Variants in BOP1 observed in about 807,000 individuals in gnomAD.
BOP1 encodes ribosome biogenesis protein BOP1.
In BOP1, 54 loss-of-function variants were observed where a neutral mutation model predicts 82.9. That is an observed-to-expected ratio of 0.65 (90% CI 0.52 to 0.82). The LOEUF (loss-of-function observed/expected upper bound fraction) is 0.82. Ranked by LOEUF, BOP1 falls within the 40% of genes least tolerant of loss-of-function variation. BOP1 has a pLI of 0.00. For synonymous variants in BOP1, 566 were observed against 451.1 expected (o/e 1.25, Z -3.23); for missense variants, 1,170 against 1,072.0 (o/e 1.09, Z -1.28).
At chr8:144,289,925 C>T (rs1814988851) in intron 1 of BOP1, among the ~76,000 whole-genome samples, 2 of 152,246 alleles carry the variant, frequency 1.3e-5, no homozygotes, top group African/African-American at 4.8e-5. Flanking sequence ...CGCAACCACG[C>T]ACCAACCCAC....
rs148287422 is a variant in BOP1, at chr8:144,289,251, G to T, written c.153C>A (p.Gly51=). Residue 51 remains glycine, a synonymous_variant, in exon 2 of 16, where the codon GGC becomes GGA. Transcript: ENST00000569669. ...PLSHSTGSDS[G]VSDSEESVFS... The stretch of plus-strand genomic sequence containing the variant: ...ACACACTTTCCTCGCTGTCGGAGAC[G>T]CCAGAATCGCTGCCGGTGCTGTGGC... 4.3e-6 allele frequency: 7 copies of T among 1,613,890 alleles called. No individual in the cohort carries two copies. Among genetic ancestry groups the T allele is most frequent in the Non-Finnish European group, 5.1e-6 (6 of 1,179,952 alleles).
chr8:144,265,148 T>C (rs1468088639), intron 3 of BOP1, 77 bp from the exon 4 acceptor site: 7 of 1,540,188 alleles, frequency 4.5e-6, no homozygotes, highest in Non-Finnish European at 5.3e-6. Flanking sequence ...GGGGAGCAGG[T>C]GAGGGGGTTG....
At chr8:144,267,089 C>T (rs1845389462) in intron 3 of BOP1, 19 of 1,373,430 alleles carry the variant, frequency 1.4e-5, no homozygotes, top group African/African-American at 3.1e-5. Flanking sequence ...GGCAGCCCCC[C>T]GCCGCCGCCC....
At chr8:144,266,376 C>T (rs1845363579) in intron 3 of BOP1, among the ~76,000 whole-genome samples, 1 of 151,868 alleles carries the variant, frequency 6.6e-6, no homozygotes, top group Non-Finnish European at 1.5e-5. Flanking sequence ...GAGGAGCCTC[C>T]GGGCTGAGAG....
At position 144,273,009 on chromosome 8, in the gene BOP1, G is replaced by A. The variant is rs1384519181; in HGVS notation, c.390+3215C>T. 4.6e-5 allele frequency among the ~76,000 whole-genome samples: 7 copies of A among 152,340 alleles called. 1 individual carries two copies. The East Asian group carries it at 5.8e-4, about 13-fold the overall frequency. ...CTCGGAGGCAGGCATGCAGGCGGCC[G>A]CGGGGGTGGATGGCCGCCAGGGAGA... On this transcript the variant is annotated intron_variant, in intron 3 of 15. Transcript: ENST00000569669.
At position 144,264,987 on chromosome 8, in the gene BOP1, T is replaced by C; in HGVS notation, c.475A>G (p.Ile159Val). 1.2e-6 allele frequency: 2 copies of C among 1,612,326 alleles called. No individual in the cohort carries two copies. Among genetic ancestry groups the C allele is most frequent in the Non-Finnish European group, 1.7e-6 (2 of 1,179,748 alleles). The change falls in exon 4 of 16, where the codon ATC (isoleucine) becomes GTC (valine). Residue 159 changes from isoleucine to valine, a missense_variant. Coordinates refer to ENST00000569669, the MANE Select transcript of BOP1 (RefSeq NM_015201.5). Reference protein sequence around the residue: ...HVGYDLDGRRIYKPLRTRDEL... With the variant: ...HVGYDLDGRRVYKPLRTRDEL... ...TCCCGGGTCCGCAGGGGCTTGTAGA[T>C]GCGCCTGCCATCCAGGTCGTAGCCC...
rs1845566474 is a variant in BOP1, at chr8:144,276,250, A to T, written c.364T>A (p.Tyr122Asn). The change falls in exon 3 of 16, where the codon TAT (tyrosine) becomes AAT (asparagine). Residue 122 changes from tyrosine to asparagine, a missense_variant. Coordinates refer to ENST00000569669, the MANE Select transcript of BOP1 (RefSeq NM_015201.5). ...TCCTCATCAGAGCTGTCCTCCGCAT[A>T]CTCATCCCCAATCCGGGCGCTCGCC... ...EMASARIGDE[Y>N]AEDSSDEEDI... 6.2e-7 allele frequency: 1 copy of T among 1,613,454 alleles called. No homozygotes were observed. Among genetic ancestry groups the T allele is most frequent in the Non-Finnish European group, 8.5e-7 (1 of 1,179,802 alleles).
At chr8:144,267,630 C>A (rs1404241486) in intron 3 of BOP1, among the ~76,000 whole-genome samples, 1 of 152,250 alleles carries the variant, frequency 6.6e-6, no homozygotes, top group Non-Finnish European at 1.5e-5. Context: ...TGGGCACCTG[C>A]TGTCCGTCCC....
At chr8:144,266,397 T>A (rs1845364221) in intron 3 of BOP1, among the ~76,000 whole-genome samples, 1 of 145,792 alleles carries the variant, frequency 6.9e-6, no homozygotes, top group African/African-American at 2.6e-5. Context: ...GGGCGGGGCG[T>A]GCGCGGGGGA....
intron 2 of BOP1, among the ~76,000 whole-genome samples, chr8:144,283,718 G>A (rs1023271809): frequency 2.6e-5 from 4 of 152,254 alleles, no homozygotes; most frequent in African/African-American, 4.8e-5. Context: ...AGATGAAGCA[G>A]CAACACCATG....
At chr8:144,285,861 G>A (rs1814853435) in intron 2 of BOP1, among the ~76,000 whole-genome samples, 1 of 152,254 alleles carries the variant, frequency 6.6e-6, no homozygotes, top group East Asian at 1.9e-4. Flanking sequence ...GGAGATACAG[G>A]CGTAAGGAGC....
chr8:144,275,127 T>A (rs1244835339), intron 3 of BOP1, among the ~76,000 whole-genome samples: 1 of 151,356 alleles, frequency 6.6e-6, no homozygotes, highest in African/African-American at 2.4e-5. Flanking sequence ...GGGGCGCGTG[T>A]CTCCCCCAGG....
intron 2 of BOP1, among the ~76,000 whole-genome samples, chr8:144,277,405 G>A (rs1845584233): frequency 6.6e-6 from 1 of 152,212 alleles, no homozygotes; most frequent in African/African-American, 2.4e-5. Context: ...CCGGCCCCAA[G>A]CCCCAGACGC....
chr8:144,273,176 G>A (rs1028650275), intron 3 of BOP1, among the ~76,000 whole-genome samples: 2 of 152,188 alleles, frequency 1.3e-5, no homozygotes, highest in African/African-American at 4.8e-5. Flanking sequence ...GGGCGGGGGC[G>A]GCCCGGAGGA....
chr8:144,264,608 G>C lies in BOP1; in HGVS notation c.672C>G (p.Val224=). 1.3e-6 allele frequency: 2 copies of C among 1,599,530 alleles called. No homozygotes were observed. Among genetic ancestry groups the C allele is most frequent in the Non-Finnish European group, 1.7e-6 (2 of 1,173,180 alleles). Residue 224 remains valine, a synonymous_variant, in exon 6 of 16, where the codon GTC becomes GTG. Coordinates refer to ENST00000569669, the MANE Select transcript of BOP1 (RefSeq NM_015201.5). ...TCATGACGTCCCCGCTGAAGAAGTCGACAGCCGGCTGGGGGAGAAGATGTG... is the reference window on the plus strand; with the variant it reads ...TCATGACGTCCCCGCTGAAGAAGTCCACAGCCGGCTGGGGGAGAAGATGTG... ...DVGFNPYEPA[V]DFFSGDVMIH...
At position 144,286,893 on chromosome 8, in the gene BOP1, G is replaced by A. The variant is rs1209542202; in HGVS notation, c.309+2202C>T. On this transcript the variant is annotated intron_variant, in intron 2 of 15. Transcript: ENST00000569669. Reference sequence around the variant, plus strand: ...GGACAAGCACACACTCAGCAGTGCAGAGGACCTGGTGCTCCAGGGGCCAGG... The same window carrying A: ...GGACAAGCACACACTCAGCAGTGCAAAGGACCTGGTGCTCCAGGGGCCAGG... Among the ~76,000 whole-genome samples, 5 of 152,382 alleles carry A rather than the reference G, an allele frequency of 3.3e-5. No homozygotes were observed. The East Asian group carries it at 9.6e-4, about 29-fold the overall frequency.
In BOP1 at chr8:144,268,223, G is replaced by A; in HGVS notation, c.391-3152C>T. The A allele has an allele frequency of 3.9e-6, 6 of 1,540,446 alleles. No individual in the cohort carries two copies. The South Asian group carries it at 6.0e-5, about 15-fold the overall frequency. Reference sequence around the variant, plus strand: ...GGTGACTGCAGACAGCCCCCACCTTGGACCTGAGCTGGGCAAGGCCCACCG... The same window carrying A: ...GGTGACTGCAGACAGCCCCCACCTTAGACCTGAGCTGGGCAAGGCCCACCG... On this transcript the variant is annotated intron_variant, in intron 3 of 15. Coordinates refer to ENST00000569669, the MANE Select transcript of BOP1 (RefSeq NM_015201.5).
intron 3 of BOP1, among the ~76,000 whole-genome samples, chr8:144,268,779 G>GCAGGGACGCTGTAAGGCAGGGA (rs1327364008): frequency 4.7e-4 from 72 of 152,260 alleles, no homozygotes; most frequent in South Asian, 8.3e-4. Context: ...GAGGCACAAG[G>GCAGGGACGCTGTAAGGCAGGGA]CAGGGACGCT....
At chr8:144,275,217 C>A (rs1310706886) in intron 3 of BOP1, among the ~76,000 whole-genome samples, 2 of 152,092 alleles carry the variant, frequency 1.3e-5, no homozygotes, top group Non-Finnish European at 2.9e-5. Flanking sequence ...CTCCTTCCCC[C>A]ACAGCCCCCA....
Sources: allele counts gnomAD v4.1 joint callset (sites outside exome capture counted in the v4.1 genomes callset), GRCh38; gene constraint gnomAD v4.1.1; transcripts MANE v1.5; gene names NCBI Gene and HGNC (gene_info 2026-07-23, HGNC 2026-07-21).